Variants in ZNF329 observed in about 807,000 individuals in gnomAD.
ZNF329 encodes the protein zinc finger protein 329.
ZNF329 carries 15 observed loss-of-function variants against 26.6 expected under a neutral mutation model. That is an observed-to-expected ratio of 0.56 (90% CI 0.38 to 0.87). ZNF329 has a LOEUF of 0.87. Ranked by LOEUF, ZNF329 falls within the 40% of genes least tolerant of loss-of-function variation. The probability of loss-of-function intolerance (pLI) is 0.00; values close to 1 mark genes in which losing one functional copy is unlikely to be tolerated. For synonymous variants in ZNF329, 239 were observed against 233.5 expected (o/e 1.02, Z -0.21); for missense variants, 651 against 651.9 (o/e 1.00, Z 0.02).
intron 1 of ZNF329, among the ~76,000 whole-genome samples, chr19:58,146,457 G>T (rs1314360901): frequency 2.0e-5 from 3 of 151,886 alleles, no homozygotes; most frequent in Non-Finnish European, 2.9e-5. Flanking sequence ...CTGGGTGACG[G>T]AGTAAGATTC....
At position 58,128,218 on chromosome 19, in the gene ZNF329, C is replaced by T. The variant is rs2074845568; in HGVS notation, c.1286G>A (p.Cys429Tyr). Residue 429 changes from cysteine to tyrosine, a missense_variant, in exon 4 of 4, where the codon TGC (cysteine) becomes TAC (tyrosine). Transcript: ENST00000598312. Reference sequence around the variant, plus strand: ...CCTGAAAAGTTTCTGACACTGGTTGCAGCCATAGGGCTTCTCGCCAGTATG... The same window carrying T: ...CCTGAAAAGTTTCTGACACTGGTTGTAGCCATAGGGCTTCTCGCCAGTATG... The part of the protein sequence containing the change: ...RIHTGEKPYG[C>Y]NQCQKLFRNI... 7 of 1,589,570 alleles carry T rather than the reference C, an allele frequency of 4.4e-6. 1 individual carries two copies. Among genetic ancestry groups the T allele is most frequent in the Non-Finnish European group, 6.0e-6 (7 of 1,168,586 alleles).
chr19:58,141,580 C>T (rs1409751395), intron 3 of ZNF329, among the ~76,000 whole-genome samples: 1 of 152,050 alleles, frequency 6.6e-6, no homozygotes, highest in Non-Finnish European at 1.5e-5. Flanking sequence ...CAGGCATAAG[C>T]CACTGTGCCC....
At chr19:58,151,102 T>A (rs2075445206), upstream of ZNF329, among the ~76,000 whole-genome samples, 1 of 152,250 alleles carries the variant, frequency 6.6e-6, no homozygotes, top group Admixed American at 6.5e-5. Context: ...ATTGGCAATA[T>A]AATTATTTAC....
At chr19:58,146,535 C>CGG (rs2075312706) in intron 1 of ZNF329, among the ~76,000 whole-genome samples, 1 of 150,876 alleles carries the variant, frequency 6.6e-6, no homozygotes, top group Non-Finnish European at 1.5e-5. Flanking sequence ...CCCTCTCCCC[C>CGG]TCCCCCTCTC....
upstream of ZNF329, chr19:58,154,863 G>C (rs937387044): frequency 6.6e-6 from 1 of 152,424 alleles, no homozygotes; most frequent in African/African-American, 2.4e-5. Context: ...ATCTGGGGAC[G>C]ATCCCCATTC....
chr19:58,127,677 T>C lies in ZNF329; in HGVS notation c.*201A>G. On this transcript the variant is annotated 3_prime_UTR_variant, in exon 4 of 4. Transcript: ENST00000598312. ...ACAGACTGAATCATCCCCAAAGACT[T>C]TTCTGCCCTCATCCTAAGTTGTCTC... The C allele has an allele frequency of 1.9e-6, 1 of 524,240 alleles. No homozygotes were observed. The highest frequency in any genetic ancestry group is 3.4e-6 in the Non-Finnish European group (1 of 297,714). The allele number at this position is 524,240 out of a possible 1,614,324, so 32.5% of individuals were successfully genotyped here.
chr19:58,140,417 T>TTC (rs200789171), intron 3 of ZNF329, among the ~76,000 whole-genome samples: 103 of 149,536 alleles, frequency 6.9e-4, no homozygotes, highest in African/African-American at 2.3e-3. Flanking sequence ...ACTCTTTCTT[T>TTC]TTTTTTTTTT....
intron 1 of ZNF329, among the ~76,000 whole-genome samples, chr19:58,146,876 G>C (rs2075322851): frequency 6.6e-6 from 1 of 151,846 alleles, no homozygotes; most frequent in African/African-American, 2.4e-5. Context: ...AGGCTGGAGT[G>C]CAGTGGCGTG....
At position 58,129,305 on chromosome 19, in the gene ZNF329, G is replaced by C. The variant is rs2074882257; in HGVS notation, c.199C>G (p.Pro67Ala). ...GCAATCAAATGCTCCCCAAAACCAGGATATTCACAAATTGCTTCCTGAGTC... is the reference window on the plus strand; with the variant it reads ...GCAATCAAATGCTCCCCAAAACCAGCATATTCACAAATTGCTTCCTGAGTC... ...PGTQEAICEY[P>A]GFGEHLIASS... Residue 67 changes from proline (P) to alanine (A), a missense_variant, in exon 4 of 4, where the codon CCT becomes GCT. Pro to Ala is a conservative substitution (Grantham distance 27). Coordinates refer to ENST00000598312, the MANE Select transcript of ZNF329 (RefSeq NM_024620.4). 1.2e-6 allele frequency: 2 copies of C among 1,614,204 alleles called. No homozygotes were observed. The highest frequency in any genetic ancestry group is 1.7e-6 in the Non-Finnish European group (2 of 1,180,044).
Position 58,128,106 on chromosome 19 carries a change from G to T in ZNF329, c.1398C>A (p.Asp466Glu), listed in dbSNP as rs2074843005. ...ECNQCGKAFR[D>E]SSCLTKHQRI... ...TCTGGTGCTTGGTCAGACAGGAGCT[G>T]TCCCTGAAGGCTTTGCCACACTGAT... The change falls in exon 4 of 4, where the codon GAC (aspartate) becomes GAA (glutamate). Residue 466 changes from aspartate to glutamate, a missense_variant. By Grantham distance (45) the Asp-to-Glu change is conservative. Transcript: ENST00000598312. The T allele has an allele frequency of 6.2e-7, 1 of 1,601,314 alleles. No homozygotes were observed. Among genetic ancestry groups the T allele is most frequent in the Non-Finnish European group, 8.5e-7 (1 of 1,173,766 alleles).
chr19:58,150,477 A>G (rs1179342264), intron 1 of ZNF329, among the ~76,000 whole-genome samples: 1 of 152,234 alleles, frequency 6.6e-6, no homozygotes, highest in East Asian at 1.9e-4. Context: ...GGGTGACGCT[A>G]AGGAAAGAGC....
Position 58,127,845 on chromosome 19 carries a change from A to G in ZNF329, c.*33T>C, listed in dbSNP as rs139609947. Reference sequence around the variant, plus strand: ...CACGCCTCCTAAACACAGGAGTGAGAGTGAACTGGAAGACTCATGTGGCCC... The same window carrying G: ...CACGCCTCCTAAACACAGGAGTGAGGGTGAACTGGAAGACTCATGTGGCCC... On this transcript the variant is annotated 3_prime_UTR_variant, in exon 4 of 4. Coordinates refer to ENST00000598312, the MANE Select transcript of ZNF329 (RefSeq NM_024620.4). 398 of 1,542,146 alleles carry G rather than the reference A, an allele frequency of 2.6e-4. 1 individual carries two copies. The highest frequency in any genetic ancestry group is 2.0e-3 in the Middle Eastern group (10 of 5,056).
intron 3 of ZNF329, among the ~76,000 whole-genome samples, chr19:58,141,883 A>G (rs548816402): frequency 7.3e-4 from 108 of 147,578 alleles, no homozygotes; most frequent in African/African-American, 2.7e-3. Context: ...ACAAGAGCGA[A>G]CCTCCATCTC....
intron 3 of ZNF329, among the ~76,000 whole-genome samples, chr19:58,138,725 G>A (rs991062364): frequency 2.0e-5 from 3 of 152,122 alleles, no homozygotes; most frequent in African/African-American, 4.8e-5. Flanking sequence ...GGCTGGGTGC[G>A]GTGGCTCACA....
At chr19:58,147,985 G>A (rs1446616521) in intron 1 of ZNF329, among the ~76,000 whole-genome samples, 3 of 152,112 alleles carry the variant, frequency 2.0e-5, no homozygotes, top group Non-Finnish European at 4.4e-5. Context: ...TTGAGAAATC[G>A]GATGGTTGCC....
chr19:58,139,613 C>T (rs1224797087), intron 3 of ZNF329, among the ~76,000 whole-genome samples: 6 of 152,146 alleles, frequency 3.9e-5, no homozygotes, highest in Non-Finnish European at 5.9e-5. Context: ...GTTCTACCCT[C>T]GTGACCTAAT....
upstream of ZNF329, among the ~76,000 whole-genome samples, chr19:58,153,848 A>G (rs1346989983): frequency 6.6e-6 from 1 of 151,998 alleles, no homozygotes; most frequent in Non-Finnish European, 1.5e-5. Context: ...TGCTGGGACT[A>G]CAGGTGTACA....
intron 3 of ZNF329, 21 bp downstream of exon 3, chr19:58,142,536 C>G (rs536071865): frequency 6.5e-6 from 1 of 152,746 alleles, no homozygotes; most frequent in African/African-American, 2.4e-5. Context: ...CTCATGTAGA[C>G]TTCCATTCCC....
In ZNF329 at chr19:58,143,850, G is replaced by A. The variant is rs796183332; in HGVS notation, c.-207-652C>T. 7.9e-5 allele frequency among the ~76,000 whole-genome samples: 12 copies of A among 152,184 alleles called. 1 individual carries two copies. The highest frequency in any genetic ancestry group is 2.9e-4 in the African/African-American group (12 of 41,524). The stretch of plus-strand genomic sequence containing the variant: ...AATCCCAGGACTTTGGGAGGCCGAG[G>A]CAAGTGGATCACCCGAGGTCAGGAG... On this transcript the variant is annotated intron_variant, in intron 1 of 3. Coordinates refer to ENST00000598312, the MANE Select transcript of ZNF329 (RefSeq NM_024620.4).
Sources: gnomAD v4.1 joint callset for allele counts (sites outside exome capture counted in the v4.1 genomes callset) on GRCh38, gnomAD v4.1.1 for gene constraint, MANE v1.5 for transcripts, NCBI Gene and HGNC (gene_info 2026-07-23, HGNC 2026-07-21) for gene names.